Variants in AFG2A observed in about 807,000 individuals in gnomAD.
AFG2A encodes ATPase family gene 2 protein homolog A.
chr4:122,981,514 T>C, the AFG2A span, among the ~76,000 whole-genome samples: 11 of 151,650 alleles, frequency 7.3e-5, no homozygotes, highest in African/African-American at 2.7e-4. Flanking sequence ...GTGACTTTTA[T>C]GTTTCCTTAT....
chr4:123,298,474 G>T, the AFG2A span, among the ~76,000 whole-genome samples: 4 of 152,134 alleles, frequency 2.6e-5, no homozygotes, highest in Admixed American at 1.3e-4. Flanking sequence ...CCTCCTTTTG[G>T]ATTCAAATTG....
the AFG2A span, among the ~76,000 whole-genome samples, chr4:123,169,978 A>G: frequency 4.0e-4 from 61 of 152,350 alleles, 1 homozygote; most frequent in South Asian, 0.012. Flanking sequence ...ATATAAGGAT[A>G]CAACTTGAGG....
At chr4:123,120,186 G>A in the AFG2A span, among the ~76,000 whole-genome samples, 1 of 152,090 alleles carries the variant, frequency 6.6e-6, no homozygotes, top group African/African-American at 2.4e-5. Context: ...AAGAGAACGT[G>A]TTTGGAAATT....
the AFG2A span, among the ~76,000 whole-genome samples, chr4:123,079,520 G>A: frequency 3.9e-4 from 59 of 151,962 alleles, no homozygotes; most frequent in African/African-American, 1.4e-3. Flanking sequence ...CTTTGGAACT[G>A]TTTAGTTATG....
At chr4:123,113,471 A>G in the AFG2A span, among the ~76,000 whole-genome samples, 1 of 152,142 alleles carries the variant, frequency 6.6e-6, no homozygotes, top group Non-Finnish European at 1.5e-5. Flanking sequence ...AACTTTCAGT[A>G]TGCTGCAGCG....
the AFG2A span, among the ~76,000 whole-genome samples, chr4:123,234,974 T>A: frequency 6.6e-6 from 1 of 152,306 alleles, no homozygotes; most frequent in East Asian, 1.9e-4. Context: ...CATTCATGAA[T>A]TTTATGTAAA....
At chr4:123,058,174 G>C in the AFG2A span, among the ~76,000 whole-genome samples, 1 of 152,128 alleles carries the variant, frequency 6.6e-6, no homozygotes, top group Non-Finnish European at 1.5e-5. Context: ...AGACATACTC[G>C]AGACTGGGTA....
chr4:123,034,036 T>A, the AFG2A span, among the ~76,000 whole-genome samples: 1 of 152,204 alleles, frequency 6.6e-6, no homozygotes, highest in African/African-American at 2.4e-5. Flanking sequence ...CAGTGATAAG[T>A]CATGTTGACA....
chr4:123,097,318 A>G, the AFG2A span, among the ~76,000 whole-genome samples: 1 of 151,962 alleles, frequency 6.6e-6, no homozygotes, highest in African/African-American at 2.4e-5. Flanking sequence ...CCTAGTTATA[A>G]CTATTGCTCT....
the AFG2A span, among the ~76,000 whole-genome samples, chr4:123,061,786 G>A: frequency 6.6e-6 from 1 of 152,182 alleles, no homozygotes; most frequent in African/African-American, 2.4e-5. Context: ...GTTTTAAGAT[G>A]GCACAGAGTG....
chr4:122,986,593 G>A, the AFG2A span, among the ~76,000 whole-genome samples: 3 of 149,222 alleles, frequency 2.0e-5, no homozygotes, highest in Non-Finnish European at 4.5e-5. Context: ...GGGACTTGGC[G>A]GGAAGAATGG....
chr4:123,036,879 C>A, the AFG2A span, among the ~76,000 whole-genome samples: 13 of 152,166 alleles, frequency 8.5e-5, no homozygotes, highest in African/African-American at 2.6e-4. Flanking sequence ...AACCTATTTT[C>A]AAACTCTTTG....
chr4:123,232,714 C>T, the AFG2A span, among the ~76,000 whole-genome samples: 1 of 151,892 alleles, frequency 6.6e-6, no homozygotes, highest in Admixed American at 6.6e-5. Context: ...TGGAAAAGAG[C>T]AAATAGAGAA....
the AFG2A span, among the ~76,000 whole-genome samples, chr4:122,928,023 A>C: frequency 3.9e-5 from 6 of 152,342 alleles, no homozygotes; most frequent in Admixed American, 3.9e-4. Flanking sequence ...TTAATTTTCA[A>C]CACAAGCAGG....
chr4:123,177,192 A>ATTTTTTT, the AFG2A span, among the ~76,000 whole-genome samples: 2 of 130,244 alleles, frequency 1.5e-5, no homozygotes, highest in African/African-American at 2.9e-5. Flanking sequence ...GCTTGATTTG[A>ATTTTTTT]TTTTTTTTTT....
chr4:123,024,791 C>T, the AFG2A span, among the ~76,000 whole-genome samples: 1 of 152,136 alleles, frequency 6.6e-6, no homozygotes, highest in East Asian at 1.9e-4. Flanking sequence ...TTCTAAAAGA[C>T]AGTAGGCCTT....
the AFG2A span, among the ~76,000 whole-genome samples, chr4:123,210,787 T>C: frequency 6.6e-6 from 1 of 152,262 alleles, no homozygotes; most frequent in East Asian, 1.9e-4. Flanking sequence ...TAATTGCTTA[T>C]AGAAATTGAC....
the AFG2A span, among the ~76,000 whole-genome samples, chr4:123,169,424 C>T: frequency 1.3e-5 from 2 of 152,010 alleles, no homozygotes; most frequent in African/African-American, 2.4e-5. Flanking sequence ...ATTAGTCCGA[C>T]GTATTACAGT....
chr4:123,192,992 CTT>C, the AFG2A span, among the ~76,000 whole-genome samples: 3 of 152,244 alleles, frequency 2.0e-5, no homozygotes, highest in African/African-American at 7.2e-5. Context: ...CTTGTTATCT[CTT>C]GTTTATTTAT....
Sources: gnomAD v4.1 joint callset for allele counts (sites outside exome capture counted in the v4.1 genomes callset) on GRCh38, gnomAD v4.1.1 for gene constraint, MANE v1.5 for transcripts, NCBI Gene and HGNC (gene_info 2026-07-23, HGNC 2026-07-21) for gene names.